RBFOX1: variants seen among roughly 807,000 people sequenced by gnomAD.
RBFOX1 encodes the protein RNA binding fox-1 homolog 1, also known as RNA binding protein fox-1 homolog 1.
In RBFOX1, 8 loss-of-function variants were observed where a neutral mutation model predicts 57.7. The observed-to-expected ratio is 0.14, with a 90% CI of 0.08 to 0.25. RBFOX1 has a LOEUF of 0.25. Among genes scored for constraint, RBFOX1 ranks in the 10% least tolerant of loss-of-function variants. RBFOX1 has a pLI of 1.00. For synonymous variants in RBFOX1, 326 were observed against 222.4 expected (o/e 1.47, Z -4.15); for missense variants, 611 against 548.5 (o/e 1.11, Z -1.14).
intron 4 of RBFOX1, among the ~76,000 whole-genome samples, chr16:7,244,759 G>C (rs1056137601): frequency 1.4e-4 from 22 of 152,174 alleles, no homozygotes; most frequent in Admixed American, 8.5e-4. Context: ...CCAGGACCTG[G>C]GAGGTCATCA....
chr16:6,949,719 C>G (rs2080300851), intron 3 of RBFOX1, among the ~76,000 whole-genome samples: 1 of 152,132 alleles, frequency 6.6e-6, no homozygotes, highest in Non-Finnish European at 1.5e-5. Flanking sequence ...CACATATAGT[C>G]ACGTTAGGAG....
intron 1 of RBFOX1, among the ~76,000 whole-genome samples, chr16:6,138,758 T>A (rs923140517): frequency 1.3e-5 from 2 of 152,070 alleles, no homozygotes; most frequent in African/African-American, 4.8e-5. Context: ...TCCCAGGTAC[T>A]TGGGAGGCTG....
At chr16:6,604,803 C>T (rs1450163966) in intron 2 of RBFOX1, among the ~76,000 whole-genome samples, 1 of 151,944 alleles carries the variant, frequency 6.6e-6, no homozygotes. Context: ...TTAATTGGTG[C>T]TTGAGATTGA....
chr16:6,952,150 A>G (rs2080898856), intron 3 of RBFOX1, among the ~76,000 whole-genome samples: 1 of 152,172 alleles, frequency 6.6e-6, no homozygotes, highest in South Asian at 2.1e-4. Context: ...CAGAGCACAT[A>G]GTCGTTGTGA....
intron 1 of RBFOX1, among the ~76,000 whole-genome samples, chr16:6,066,117 A>T (rs1170373809): frequency 6.6e-6 from 1 of 151,880 alleles, no homozygotes; most frequent in East Asian, 1.9e-4. Context: ...AACACGGTGA[A>T]ACCCCCTCTC....
intron 12 of RBFOX1, among the ~76,000 whole-genome samples, chr16:7,658,872 C>T (rs2066985155): frequency 6.6e-6 from 1 of 152,162 alleles, no homozygotes; most frequent in African/African-American, 2.4e-5. Context: ...ATTATAGGCA[C>T]ATGCCACCAC....
chr16:7,054,545 T>TGGGGTGG (rs1555823214), intron 4 of RBFOX1, among the ~76,000 whole-genome samples: 2 of 108,404 alleles, frequency 1.8e-5, no homozygotes, highest in South Asian at 8.7e-4. Flanking sequence ...CAAACCTGGG[T>TGGGGTGG]GGGGGGGCAT....
intron 2 of RBFOX1, among the ~76,000 whole-genome samples, chr16:6,487,570 C>G (rs1008420386): frequency 6.7e-6 from 1 of 149,156 alleles, no homozygotes; most frequent in Non-Finnish European, 1.5e-5. Context: ...AAGAATCTGT[C>G]GGCAAGCTCC....
rs1243184827 is a variant in RBFOX1, at chr16:6,999,219, TTTTTTATTTA to T, written c.-15-52832_-15-52823del. On this transcript the variant is annotated intron_variant, in intron 3 of 15. Coordinates refer to ENST00000550418, the MANE Select transcript of RBFOX1 (RefSeq NM_018723.4). Reference sequence around the variant, plus strand: ...ATTTTATTTTTTATTTTTATTTATTTTTTTTATTTATTTTTTTTTTTAGAGATCAGGTCTC... The same window carrying T: ...ATTTTATTTTTTATTTTTATTTATTTTTTTTTTTTTTAGAGATCAGGTCTC... Among the ~76,000 whole-genome samples the T allele has an allele frequency of 3.4e-3, 368 of 108,682 alleles. 5 individuals are homozygous for T. Among genetic ancestry groups the T allele is most frequent in the African/African-American group, 0.011 (355 of 32,068 alleles). The allele number at this position is 108,682 out of a possible 152,430, so 71.3% of individuals were successfully genotyped here.
chr16:7,035,035 A>C (rs1301250716), intron 3 of RBFOX1, among the ~76,000 whole-genome samples: 1 of 150,024 alleles, frequency 6.7e-6, no homozygotes, highest in South Asian at 2.1e-4. Flanking sequence ...TTTATTAGAG[A>C]CAGGGTTTTA....
At chr16:7,489,037 C>G (rs978139768) in intron 4 of RBFOX1, among the ~76,000 whole-genome samples, 1 of 152,166 alleles carries the variant, frequency 6.6e-6, no homozygotes, top group Non-Finnish European at 1.5e-5. Context: ...CTATCTCTAT[C>G]TTTATAAAAT....
At chr16:5,545,309 A>G (rs1343003673) in intron 2 of RBFOX1, among the ~76,000 whole-genome samples, 1 of 152,156 alleles carries the variant, frequency 6.6e-6, no homozygotes, top group East Asian at 1.9e-4. Flanking sequence ...TAAAGAAATA[A>G]TATCAGTTCT....
At chr16:6,494,882 C>T (rs1490401450) in intron 2 of RBFOX1, among the ~76,000 whole-genome samples, 1 of 152,152 alleles carries the variant, frequency 6.6e-6, no homozygotes, top group Non-Finnish European at 1.5e-5. Context: ...ATTTATGTAG[C>T]ATCCACCATA....
intron 3 of RBFOX1, among the ~76,000 whole-genome samples, chr16:6,788,165 TGA>T (rs1310192901): frequency 1.3e-5 from 2 of 151,994 alleles, no homozygotes; most frequent in Non-Finnish European, 2.9e-5. Flanking sequence ...GATGTTGGAG[TGA>T]GCTGAGATCG....
intron 4 of RBFOX1, among the ~76,000 whole-genome samples, chr16:7,098,899 A>G (rs1452303930): frequency 6.6e-6 from 1 of 152,082 alleles, no homozygotes; most frequent in South Asian, 2.1e-4. Flanking sequence ...CAGTTTCTTC[A>G]TCTTTAAAAT....
intron 3 of RBFOX1, among the ~76,000 whole-genome samples, chr16:5,654,601 C>G (rs1275892290): frequency 1.3e-5 from 2 of 152,162 alleles, no homozygotes; most frequent in Non-Finnish European, 2.9e-5. Context: ...CTGTTCGTTT[C>G]TCATCCAGCC....
At chr16:5,280,819 TTCTTTC>T in intron 1 of RBFOX1, among the ~76,000 whole-genome samples, 1 of 151,974 alleles carries the variant, frequency 6.6e-6, no homozygotes, top group African/African-American at 2.4e-5. Context: ...TGGGTCTCCT[TTCTTTC>T]TTTTTTTTTT....
At chr16:5,786,933 C>A (rs1158881386) in intron 3 of RBFOX1, among the ~76,000 whole-genome samples, 3 of 152,068 alleles carry the variant, frequency 2.0e-5, no homozygotes, top group East Asian at 3.9e-4. Flanking sequence ...GTCAGGAGAT[C>A]GAGACCAGCC....
At chr16:5,600,831 C>T (rs1385611863), downstream of RBFOX1, among the ~76,000 whole-genome samples, 1 of 152,174 alleles carries the variant, frequency 6.6e-6, no homozygotes, top group Admixed American at 6.5e-5. Context: ...TCTTATCCCA[C>T]TTTTCAGTTG....
Sources: allele counts gnomAD v4.1 joint callset (sites outside exome capture counted in the v4.1 genomes callset), GRCh38; gene constraint gnomAD v4.1.1; transcripts MANE v1.5; gene names NCBI Gene and HGNC (gene_info 2026-07-23, HGNC 2026-07-21).